The following ATRX variants were observed in gnomAD, a reference collection of about 807,000 sequenced individuals.
The protein encoded by ATRX is ATRX chromatin remodeler.
In ATRX, 12 loss-of-function variants were observed where a neutral mutation model predicts 172.6. The observed-to-expected ratio is 0.07, with a 90% CI of 0.04 to 0.11. ATRX has a LOEUF of 0.11. ATRX is among the 10% of genes least tolerant of loss of function. The probability of loss-of-function intolerance (pLI) is 1.00; values close to 1 mark genes in which losing one functional copy is unlikely to be tolerated. For synonymous variants in ATRX, 674 were observed against 594.7 expected (o/e 1.13, Z -1.94); for missense variants, 1,368 against 1,767.4 (o/e 0.77, Z 4.05).
intron 1 of ATRX, among the ~76,000 whole-genome samples, chrX:77,749,124 T>C (rs2148872752): frequency 9.0e-6 from 1 of 110,954 alleles, no homozygotes; most frequent in East Asian, 2.8e-4. Context: ...CTCTCACCTT[T>C]TGGAGTCTCC....
At chrX:77,692,778 T>C in intron 6 of ATRX, among the ~76,000 whole-genome samples, 1 of 110,864 alleles carries the variant, frequency 9.0e-6, no homozygotes, top group Non-Finnish European at 1.9e-5. Context: ...GTGGGACACA[T>C]AGTCCACTAT....
chrX:77,716,105 T>TA (rs1557164554), intron 2 of ATRX, among the ~76,000 whole-genome samples: 1 of 84,628 alleles, frequency 1.2e-5, no homozygotes, highest in East Asian at 3.9e-4. Context: ...ACCATGTCTC[T>TA]AAAAATTTTT....
chrX:77,686,481 C>T (rs2071561263), intron 7 of ATRX, among the ~76,000 whole-genome samples: 1 of 111,283 alleles, frequency 9.0e-6, no homozygotes, highest in Non-Finnish European at 1.9e-5. Context: ...TCTGGGAGGA[C>T]GAGGAGGGTG....
At chrX:77,661,734 A>G (rs1423726556) in intron 12 of ATRX, among the ~76,000 whole-genome samples, 3 of 110,954 alleles carry the variant, frequency 2.7e-5, no homozygotes, top group Non-Finnish European at 3.8e-5. Flanking sequence ...ATATTATTTA[A>G]CATAAAATGA....
chrX:77,698,719 C>T, intron 2 of ATRX, 90 bp from the exon 3 acceptor site: 1 of 721,083 alleles, frequency 1.4e-6, no homozygotes, highest in Non-Finnish European at 2.2e-6. Flanking sequence ...AACCCATTCT[C>T]ACACTATGAA....
chrX:77,738,256 C>G (rs781964057), intron 1 of ATRX, among the ~76,000 whole-genome samples: 1 of 107,016 alleles, frequency 9.3e-6, no homozygotes, highest in South Asian at 4.2e-4. Flanking sequence ...GATTGCTTGA[C>G]CCTAGGAAGT....
intron 10 of ATRX, among the ~76,000 whole-genome samples, chrX:77,669,577 G>A (rs888268039): frequency 1.8e-5 from 2 of 111,870 alleles, no homozygotes; most frequent in African/African-American, 6.5e-5. Flanking sequence ...ATCCACCTCA[G>A]CCTCCCAAAG....
chrX:77,762,478 A>C (rs868986820), intron 1 of ATRX, among the ~76,000 whole-genome samples: 4 of 110,926 alleles, frequency 3.6e-5, no homozygotes, highest in Admixed American at 9.7e-5. Context: ...TTCGTAGAAC[A>C]TGAAAGAAAA....
At chrX:77,698,194 T>C (rs1557151147) in intron 3 of ATRX, among the ~76,000 whole-genome samples, 2 of 111,448 alleles carry the variant, frequency 1.8e-5, no homozygotes, top group Non-Finnish European at 3.8e-5. Flanking sequence ...GACCTGTGTA[T>C]CAGGCAAAGG....
chrX:77,746,262 T>G (rs1329778655), intron 1 of ATRX, among the ~76,000 whole-genome samples: 1 of 109,368 alleles, frequency 9.1e-6, no homozygotes, highest in Non-Finnish European at 1.9e-5. Context: ...TATCCATGTT[T>G]AAAAAAAAAG....
intron 26 of ATRX, among the ~76,000 whole-genome samples, chrX:77,590,363 C>A (rs910285631): frequency 1.8e-5 from 2 of 110,881 alleles, no homozygotes; most frequent in African/African-American, 6.6e-5. Context: ...GTAATCCCAG[C>A]ATTTTGGGAG....
At chrX:77,722,129 A>G (rs1184879431) in intron 1 of ATRX, among the ~76,000 whole-genome samples, 4 of 111,922 alleles carry the variant, frequency 3.6e-5, no homozygotes, top group Admixed American at 1.9e-4. Context: ...CATATGCAGA[A>G]AACTGAAGCT....
At chrX:77,646,412 G>T (rs2068918261) in intron 15 of ATRX, among the ~76,000 whole-genome samples, 1 of 111,293 alleles carries the variant, frequency 9.0e-6, no homozygotes, top group African/African-American at 3.3e-5. Context: ...CTCAAAAAAT[G>T]TAATTATAAA....
At chrX:77,600,602 T>C in intron 22 of ATRX, 38 bp from the exon 23 acceptor site, 1 of 1,198,120 alleles carries the variant, frequency 8.3e-7, no homozygotes, top group Non-Finnish European at 1.1e-6. Context: ...ACAAAAATTG[T>C]CTATATCAAC....
rs781924674 is a variant in ATRX, at chrX:77,532,157, A to T, written c.6700-8756T>A. 4.5e-5 allele frequency among the ~76,000 whole-genome samples: 5 copies of T among 111,496 alleles called. No individual in the cohort carries two copies. In the Admixed American group the frequency reaches 4.8e-4, roughly 11 times the overall value. On this transcript the variant is annotated intron_variant, in intron 30 of 34. Coordinates refer to ENST00000373344, the MANE Select transcript of ATRX (RefSeq NM_000489.6). The stretch of plus-strand genomic sequence containing the variant: ...AGAGGATACAAACAAATAGAGAAAC[A>T]TTCCATGCTCATGGATAGGAAGAAT...
intron 30 of ATRX, among the ~76,000 whole-genome samples, chrX:77,544,322 A>C (rs999047349): frequency 1.8e-5 from 2 of 112,022 alleles, no homozygotes; most frequent in African/African-American, 6.5e-5. Context: ...AAACATTAGA[A>C]TATATGGCAG....
intron 19 of ATRX, among the ~76,000 whole-genome samples, chrX:77,623,166 G>A (rs144914305): frequency 0.019 from 2,074 of 111,631 alleles, 41 homozygotes; most frequent in African/African-American, 0.063. Context: ...ACATTAGCAA[G>A]ATTAACCAAG....
intron 1 of ATRX, among the ~76,000 whole-genome samples, chrX:77,770,597 C>G (rs2076121629): frequency 9.0e-6 from 1 of 111,519 alleles, no homozygotes; most frequent in South Asian, 3.7e-4. Flanking sequence ...TCACACAAAC[C>G]CAAATAGAGA....
chrX:77,567,224 A>C (rs2065230642), intron 28 of ATRX, among the ~76,000 whole-genome samples: 1 of 112,101 alleles, frequency 8.9e-6, no homozygotes, highest in African/African-American at 3.2e-5. Context: ...AAAGAGAACC[A>C]ACTGAACAAA....
Sources: allele counts gnomAD v4.1 joint callset (sites outside exome capture counted in the v4.1 genomes callset), GRCh38; gene constraint gnomAD v4.1.1; transcripts MANE v1.5; gene names NCBI Gene and HGNC (gene_info 2026-07-23, HGNC 2026-07-21).